RBFOX1: variants seen among roughly 807,000 people sequenced by gnomAD.
The protein encoded by RBFOX1 is RNA binding protein fox-1 homolog 1.
Under a neutral mutation model 57.7 loss-of-function variants are expected in RBFOX1, and 8 were observed. That is an observed-to-expected ratio of 0.14 (90% CI 0.08 to 0.25). RBFOX1 has a LOEUF of 0.25. RBFOX1 is among the 10% of genes least tolerant of loss of function. The pLI is 1.00. For synonymous variants in RBFOX1, 326 were observed against 222.4 expected (o/e 1.47, Z -4.15); for missense variants, 611 against 548.5 (o/e 1.11, Z -1.14).
intron 3 of RBFOX1, among the ~76,000 whole-genome samples, chr16:6,859,805 T>A (rs1039559380): frequency 3.5e-5 from 5 of 143,736 alleles, no homozygotes; most frequent in African/African-American, 1.2e-4. Context: ...GATACAAGTA[T>A]ATTTTTTCTG....
intron 4 of RBFOX1, among the ~76,000 whole-genome samples, chr16:5,933,297 A>C (rs1168452735): frequency 6.6e-6 from 1 of 152,170 alleles, no homozygotes; most frequent in Non-Finnish European, 1.5e-5. Flanking sequence ...AACCAAGTCA[A>C]GGGGAGTCAA....
intron 4 of RBFOX1, among the ~76,000 whole-genome samples, chr16:7,348,276 T>A (rs1308749767): frequency 6.6e-6 from 1 of 152,236 alleles, no homozygotes; most frequent in Admixed American, 6.5e-5. Context: ...GATTTCTTTG[T>A]GGTACATATA....
At chr16:7,316,989 C>A (rs2096456050) in intron 4 of RBFOX1, among the ~76,000 whole-genome samples, 2 of 151,542 alleles carry the variant, frequency 1.3e-5, no homozygotes, top group Admixed American at 1.3e-4. Flanking sequence ...CACACACAAA[C>A]ACACACACAC....
intron 12 of RBFOX1, among the ~76,000 whole-genome samples, chr16:7,656,575 G>C (rs749142596): frequency 6.6e-5 from 10 of 152,326 alleles, no homozygotes; most frequent in African/African-American, 2.4e-4. Flanking sequence ...AGGTGGTCCA[G>C]AGAGCAGATT....
chr16:7,234,556 A>C (rs1282652776), intron 4 of RBFOX1, among the ~76,000 whole-genome samples: 1 of 151,414 alleles, frequency 6.6e-6, no homozygotes, highest in Non-Finnish European at 1.5e-5. Flanking sequence ...TTAACCATGA[A>C]GTCTTCTGTT....
chr16:7,331,254 G>A (rs375827037), intron 4 of RBFOX1, among the ~76,000 whole-genome samples: 1 of 152,266 alleles, frequency 6.6e-6, no homozygotes, highest in South Asian at 2.1e-4. Context: ...GATATGTTTG[G>A]CGGTGTTTGA....
chr16:6,843,044 G>C (rs2093571793), intron 3 of RBFOX1, among the ~76,000 whole-genome samples: 1 of 152,016 alleles, frequency 6.6e-6, no homozygotes, highest in African/African-American at 2.4e-5. Context: ...GTGTGTATGT[G>C]CCACGTGTTC....
intron 3 of RBFOX1, among the ~76,000 whole-genome samples, chr16:6,708,566 A>G (rs986244406): frequency 2.0e-5 from 3 of 152,178 alleles, no homozygotes; most frequent in African/African-American, 4.8e-5. Context: ...ATGATTTAAG[A>G]TGCTCTTAAT....
intron 1 of RBFOX1, among the ~76,000 whole-genome samples, chr16:5,353,506 C>T (rs1001316751): frequency 4.6e-5 from 7 of 152,034 alleles, no homozygotes; most frequent in African/African-American, 1.4e-4. Context: ...GTGGCATATC[C>T]CATTTGCAAA....
intron 4 of RBFOX1, among the ~76,000 whole-genome samples, chr16:5,902,482 T>C (rs1400377377): frequency 6.6e-6 from 1 of 152,154 alleles, no homozygotes; most frequent in African/African-American, 2.4e-5. Flanking sequence ...GATGCCATCT[T>C]GGCTTACTCT....
intron 1 of RBFOX1, among the ~76,000 whole-genome samples, chr16:6,235,391 TGC>T (rs2097498119): frequency 6.6e-6 from 1 of 152,166 alleles, no homozygotes. Context: ...TCTGTCTGTG[TGC>T]CATGCCGCAT....
At chr16:5,727,809 T>C (rs998788204) in intron 3 of RBFOX1, among the ~76,000 whole-genome samples, 8 of 152,166 alleles carry the variant, frequency 5.3e-5, no homozygotes, top group African/African-American at 1.7e-4. Context: ...TGCCTCAGCC[T>C]GCTGAGTAGC....
chr16:5,920,967 TCCTCTTCC>T (rs2058807871), intron 4 of RBFOX1, among the ~76,000 whole-genome samples: 1 of 97,432 alleles, frequency 1.0e-5, no homozygotes. Context: ...GAATCTGTTC[TCCTCTTCC>T]CTGTGTGACG....
At chr16:5,665,435 C>G (rs1206119347) in intron 3 of RBFOX1, among the ~76,000 whole-genome samples, 1 of 123,570 alleles carries the variant, frequency 8.1e-6, no homozygotes, top group Non-Finnish European at 1.9e-5. Context: ...CCCTTGTTCT[C>G]TGGCCTCCTT....
intron 4 of RBFOX1, among the ~76,000 whole-genome samples, chr16:7,085,814 C>G (rs1477373319): frequency 6.6e-6 from 1 of 152,152 alleles, no homozygotes; most frequent in Non-Finnish European, 1.5e-5. Flanking sequence ...AGCAATCAAT[C>G]CTGGTTTGTT....
At chr16:7,225,921 A>ATATATATATATATATATATATATATATAT (rs1567789355) in intron 4 of RBFOX1, among the ~76,000 whole-genome samples, 1 of 73,216 alleles carries the variant, frequency 1.4e-5, no homozygotes, top group African/African-American at 1.1e-4. Context: ...TATATATATA[A>ATATATATATATATATATATATATATATAT]ATGTGAATGT....
intron 1 of RBFOX1, among the ~76,000 whole-genome samples, chr16:6,242,639 C>CACAT (rs777462462): frequency 5.3e-5 from 6 of 113,674 alleles, no homozygotes; most frequent in Non-Finnish European, 8.8e-5. Flanking sequence ...AACACACACA[C>CACAT]ACACACACAC....
chr16:6,530,346 A>G (rs1375619243), intron 2 of RBFOX1, among the ~76,000 whole-genome samples: 1 of 152,184 alleles, frequency 6.6e-6, no homozygotes, highest in Non-Finnish European at 1.5e-5. Flanking sequence ...ACATAGTTCC[A>G]GCAGAAACAG....
chr16:6,835,577 C>A (rs1018239490), intron 3 of RBFOX1, among the ~76,000 whole-genome samples: 1 of 151,460 alleles, frequency 6.6e-6, no homozygotes, highest in Non-Finnish European at 1.5e-5. Flanking sequence ...CATGGTAAAA[C>A]CCCATCTCTA....
Sources: allele counts gnomAD v4.1 joint callset (sites outside exome capture counted in the v4.1 genomes callset), GRCh38; gene constraint gnomAD v4.1.1; transcripts MANE v1.5; gene names NCBI Gene and HGNC (gene_info 2026-07-23, HGNC 2026-07-21).